The following SGCZ variants were observed in gnomAD, a reference collection of about 807,000 sequenced individuals.
The protein encoded by SGCZ is zeta-sarcoglycan.
Under a neutral mutation model 41.3 loss-of-function variants are expected in SGCZ, and 40 were observed. The observed-to-expected ratio is 0.97, with a 90% CI of 0.75 to 1.26. SGCZ has a LOEUF of 1.26. SGCZ is among the 50% of genes most tolerant of loss of function. The pLI, the probability that SGCZ is intolerant of heterozygous loss-of-function variation, is 0.00. For missense variants in SGCZ, 552 were observed against 369.8 expected, an observed-to-expected ratio of 1.49 and a Z score of -4.04; for synonymous variants, 206 against 137.5, an observed-to-expected ratio of 1.50 and a Z score of -3.49.
chr8:15,231,077 C>CTT (rs1488580828), intron 1 of SGCZ, among the ~76,000 whole-genome samples: 1 of 152,154 alleles, frequency 6.6e-6, no homozygotes, highest in African/African-American at 2.4e-5. Context: ...ACAGTGTGAG[C>CTT]TTTAGTACTT....
intron 5 of SGCZ, among the ~76,000 whole-genome samples, chr8:14,131,659 C>T (rs180920803): frequency 6.6e-6 from 1 of 152,256 alleles, no homozygotes; most frequent in African/African-American, 2.4e-5. Context: ...CTTGGACAGG[C>T]ATATGCACGT....
At chr8:15,015,013 G>A (rs1202386782) in intron 1 of SGCZ, among the ~76,000 whole-genome samples, 7 of 152,192 alleles carry the variant, frequency 4.6e-5, no homozygotes, top group South Asian at 2.1e-4. Flanking sequence ...AGGCCAAGGC[G>A]GGTAGACCAC....
At chr8:14,423,373 C>A (rs375096375) in intron 2 of SGCZ, among the ~76,000 whole-genome samples, 4 of 151,790 alleles carry the variant, frequency 2.6e-5, no homozygotes, top group African/African-American at 9.7e-5. Context: ...AGATCTTATC[C>A]ATTAAAAAAT....
chr8:14,880,662 A>G (rs1804553069), intron 1 of SGCZ, among the ~76,000 whole-genome samples: 1 of 152,178 alleles, frequency 6.6e-6, no homozygotes, highest in African/African-American at 2.4e-5. Context: ...AGGGACATGG[A>G]TGAAGCTGGA....
At chr8:14,120,386 A>C (rs1046957221) in intron 5 of SGCZ, among the ~76,000 whole-genome samples, 2 of 152,206 alleles carry the variant, frequency 1.3e-5, no homozygotes, top group Non-Finnish European at 2.9e-5. Context: ...GTTGTCAGGT[A>C]CAACATAACC....
intron 2 of SGCZ, among the ~76,000 whole-genome samples, chr8:14,378,560 A>G (rs1804229443): frequency 6.6e-6 from 1 of 152,176 alleles, no homozygotes; most frequent in Non-Finnish European, 1.5e-5. Context: ...CAGAATCTAC[A>G]ATGAACTCAA....
chr8:14,541,913 G>C (rs1803481711), intron 2 of SGCZ, among the ~76,000 whole-genome samples: 1 of 151,988 alleles, frequency 6.6e-6, no homozygotes, highest in African/African-American at 2.4e-5. Context: ...ATGTTTGTTG[G>C]CCACAAATAT....
chr8:14,679,258 T>C (rs1186466716), intron 1 of SGCZ, among the ~76,000 whole-genome samples: 1 of 152,142 alleles, frequency 6.6e-6, no homozygotes, highest in Non-Finnish European at 1.5e-5. Context: ...TTTTAGAGTG[T>C]GCTTCTTTTG....
intron 1 of SGCZ, among the ~76,000 whole-genome samples, chr8:14,693,910 G>A (rs1190016070): frequency 2.0e-5 from 3 of 152,034 alleles, no homozygotes; most frequent in Non-Finnish European, 4.4e-5. Context: ...ATTTTAAACA[G>A]CAATTAATTT....
intron 1 of SGCZ, among the ~76,000 whole-genome samples, chr8:15,054,412 G>T (rs17120805): frequency 0.08 from 12,094 of 151,976 alleles, 768 homozygotes; most frequent in African/African-American, 0.17. Context: ...GCAGATCCTG[G>T]TGTCACCCCC....
At chr8:14,727,326 G>A (rs911998751) in intron 1 of SGCZ, among the ~76,000 whole-genome samples, 10 of 152,124 alleles carry the variant, frequency 6.6e-5, no homozygotes, top group South Asian at 4.2e-4. Flanking sequence ...CAGTTTCACC[G>A]TACCAACTAC....
intron 1 of SGCZ, among the ~76,000 whole-genome samples, chr8:15,201,212 T>G (rs904097882): frequency 1.3e-5 from 2 of 152,144 alleles, no homozygotes; most frequent in African/African-American, 4.8e-5. Flanking sequence ...AGAGGGAGTT[T>G]CACCATGTTG....
At chr8:14,538,533 G>A (rs1314513918) in intron 2 of SGCZ, among the ~76,000 whole-genome samples, 2 of 151,952 alleles carry the variant, frequency 1.3e-5, no homozygotes, top group South Asian at 2.1e-4. Flanking sequence ...ACTAACATAA[G>A]AAAAGTTGTT....
intron 2 of SGCZ, among the ~76,000 whole-genome samples, chr8:14,336,228 C>G (rs972309360): frequency 6.6e-6 from 1 of 152,116 alleles, no homozygotes; most frequent in African/African-American, 2.4e-5. Flanking sequence ...CATCCATGTT[C>G]CTGCAAAGGA....
chr8:14,219,011 A>G (rs1344369753), intron 4 of SGCZ, among the ~76,000 whole-genome samples: 3 of 152,244 alleles, frequency 2.0e-5, no homozygotes, highest in Non-Finnish European at 4.4e-5. Context: ...ACCAAACTGG[A>G]GAGGTGAAAA....
chr8:14,813,830 G>T (rs910614775), intron 1 of SGCZ, among the ~76,000 whole-genome samples: 1 of 152,118 alleles, frequency 6.6e-6, no homozygotes, highest in African/African-American at 2.4e-5. Flanking sequence ...GTGCATGCCT[G>T]TAATCCCAGC....
At chr8:14,401,138 T>C (rs1221078616) in intron 2 of SGCZ, among the ~76,000 whole-genome samples, 5 of 152,124 alleles carry the variant, frequency 3.3e-5, no homozygotes, top group Admixed American at 1.3e-4. Context: ...CAGGCAACTT[T>C]GCTAGATTAA....
chr8:14,536,612 G>C (rs542381611), intron 2 of SGCZ, among the ~76,000 whole-genome samples: 3 of 151,786 alleles, frequency 2.0e-5, no homozygotes, highest in African/African-American at 4.8e-5. Flanking sequence ...AAAAGGTTTT[G>C]ACTGGTGATT....
At chr8:15,233,315 T>C (rs1023362123) in intron 1 of SGCZ, among the ~76,000 whole-genome samples, 3 of 148,794 alleles carry the variant, frequency 2.0e-5, no homozygotes, top group African/African-American at 7.4e-5. Flanking sequence ...GAGTGTCTTA[T>C]TGATTAAACA....
Sources: allele counts gnomAD v4.1 joint callset (sites outside exome capture counted in the v4.1 genomes callset), GRCh38; gene constraint gnomAD v4.1.1; transcripts MANE v1.5; gene names NCBI Gene and HGNC (gene_info 2026-07-23, HGNC 2026-07-21).